Variants in GPC5 observed in about 807,000 individuals in gnomAD.
GPC5 encodes the protein glypican 5.
A neutral mutation model predicts 53.9 loss-of-function variants in GPC5; 47 were observed. The ratio of observed to expected loss-of-function variants is 0.87; its 90% CI spans 0.69 to 1.11. The LOEUF (loss-of-function observed/expected upper bound fraction) is 1.11. Ranked by LOEUF, GPC5 falls within the 50% of genes most tolerant of loss-of-function variation. The pLI is 0.00. For missense variants in GPC5, 748 were observed against 713.1 expected (o/e 1.05, Z -0.56); for synonymous variants, 286 against 263.3 (o/e 1.09, Z -0.84).
chr13:92,456,872 T>C lies in GPC5; in HGVS notation c.1561+311883T>C, dbSNP rs1325253929. On this transcript the variant is annotated intron_variant, in intron 7 of 7. Coordinates refer to ENST00000377067, the MANE Select transcript of GPC5 (RefSeq NM_004466.6). ...TATAATTTCAACTTTCATTTTAGAT[T>C]AAAGTGTACATGTGCATGTTTGTTA... is the stretch of plus-strand genomic sequence containing the variant. 2.6e-5 allele frequency among the ~76,000 whole-genome samples: 4 copies of C among 152,148 alleles called. No individual in the cohort carries two copies. The South Asian group carries it at 8.3e-4, about 32-fold the overall frequency.
At chr13:92,526,938 G>A (rs1881305090) in intron 7 of GPC5, among the ~76,000 whole-genome samples, 1 of 151,284 alleles carries the variant, frequency 6.6e-6, no homozygotes, top group African/African-American at 2.4e-5. Context: ...AAGTACAGAT[G>A]AGGAACAAGT....
At chr13:91,858,675 CG>C (rs1303812257) in intron 5 of GPC5, among the ~76,000 whole-genome samples, 1 of 151,596 alleles carries the variant, frequency 6.6e-6, no homozygotes, top group Non-Finnish European at 1.5e-5. Context: ...CCTTGTAGAA[CG>C]AGTTTGGAAA....
chr13:91,406,875 T>C (rs1877364281), intron 1 of GPC5, among the ~76,000 whole-genome samples: 1 of 152,208 alleles, frequency 6.6e-6, no homozygotes, highest in African/African-American at 2.4e-5. Context: ...TGTATTTTCT[T>C]TGATTAGCCT....
chr13:91,694,324 G>T lies in GPC5; in HGVS notation c.1020+443G>T, dbSNP rs144815333. ...GGTACTCCAAAAATGGGTAGTTATT[G>T]TTAGAATTTCAGAAGCATTTGGCTT... is the stretch of plus-strand genomic sequence containing the variant. On this transcript the variant is annotated intron_variant, in intron 3 of 7. Transcript: ENST00000377067. 4.8e-3 allele frequency among the ~76,000 whole-genome samples: 733 copies of T among 152,288 alleles called. 3 individuals are homozygous for T. Among genetic ancestry groups the T allele is most frequent in the African/African-American group, 0.017 (690 of 41,564 alleles).
At chr13:92,055,064 C>T (rs1312814537) in intron 6 of GPC5, among the ~76,000 whole-genome samples, 2 of 152,164 alleles carry the variant, frequency 1.3e-5, no homozygotes, top group African/African-American at 4.8e-5. Context: ...AATAACAGCA[C>T]TATTTCTAGG....
At chr13:91,803,376 C>A (rs2038166346) in intron 5 of GPC5, among the ~76,000 whole-genome samples, 1 of 152,206 alleles carries the variant, frequency 6.6e-6, no homozygotes, top group South Asian at 2.1e-4. Flanking sequence ...GGAGTTATAT[C>A]ACTCATAGTT....
chr13:92,561,055 A>G (rs1171558963), intron 7 of GPC5, among the ~76,000 whole-genome samples: 2 of 151,892 alleles, frequency 1.3e-5, no homozygotes, highest in Non-Finnish European at 2.9e-5. Flanking sequence ...TTTGGACCAC[A>G]TTTGTGGAAT....
At chr13:92,302,973 T>A (rs1454671243) in intron 7 of GPC5, among the ~76,000 whole-genome samples, 1 of 152,228 alleles carries the variant, frequency 6.6e-6, no homozygotes, top group East Asian at 1.9e-4. Flanking sequence ...TTTCAAAACC[T>A]TTATTTCTAT....
chr13:92,236,733 C>A (rs946004092), intron 7 of GPC5, among the ~76,000 whole-genome samples: 1 of 152,034 alleles, frequency 6.6e-6, no homozygotes, highest in Admixed American at 6.6e-5. Context: ...AGATGTGTAT[C>A]ATGTTGATTT....
intron 7 of GPC5, among the ~76,000 whole-genome samples, chr13:92,175,010 C>T (rs972230218): frequency 6.6e-6 from 1 of 152,082 alleles, no homozygotes; most frequent in African/African-American, 2.4e-5. Context: ...CCACCACGTC[C>T]TGCTAAATTT....
intron 4 of GPC5, among the ~76,000 whole-genome samples, chr13:91,737,095 C>A (rs992877985): frequency 6.6e-6 from 1 of 151,338 alleles, no homozygotes; most frequent in Non-Finnish European, 1.5e-5. Flanking sequence ...CAGAGCGAGA[C>A]TCCGTCTCAG....
chr13:92,784,708 T>C (rs1285505812), intron 7 of GPC5, among the ~76,000 whole-genome samples: 3 of 152,144 alleles, frequency 2.0e-5, no homozygotes, highest in Non-Finnish European at 4.4e-5. Flanking sequence ...CTATTTCAGT[T>C]AGTGGATTAA....
At chr13:91,711,672 T>C (rs1047221346) in intron 3 of GPC5, among the ~76,000 whole-genome samples, 11 of 152,200 alleles carry the variant, frequency 7.2e-5, no homozygotes, top group Non-Finnish European at 1.6e-4. Context: ...ATTTCCAGTA[T>C]ATATTTAACC....
chr13:92,633,935 T>C (rs1885337010), intron 7 of GPC5, among the ~76,000 whole-genome samples: 1 of 152,130 alleles, frequency 6.6e-6, no homozygotes, highest in Admixed American at 6.5e-5. Flanking sequence ...TATGTGTAGT[T>C]ATTATGTTAA....
At chr13:91,766,782 C>T (rs1393781390) in intron 5 of GPC5, among the ~76,000 whole-genome samples, 3 of 152,128 alleles carry the variant, frequency 2.0e-5, no homozygotes. Flanking sequence ...ATTGCTTGAA[C>T]CCGGGAGGTG....
intron 1 of GPC5, among the ~76,000 whole-genome samples, chr13:91,444,370 A>G (rs75971095): frequency 0.043 from 6,578 of 152,140 alleles, 185 homozygotes; most frequent in South Asian, 0.13. Context: ...ATATCATTCC[A>G]GCATATTTTT....
At chr13:91,524,369 T>A (rs918483695) in intron 2 of GPC5, among the ~76,000 whole-genome samples, 2 of 152,130 alleles carry the variant, frequency 1.3e-5, no homozygotes, top group African/African-American at 4.8e-5. Flanking sequence ...TATTTTTTGA[T>A]TGATGCAGTT....
At chr13:91,986,060 A>ATTTT (rs2040404162) in intron 6 of GPC5, among the ~76,000 whole-genome samples, 8 of 94,884 alleles carry the variant, frequency 8.4e-5, no homozygotes, top group African/African-American at 2.1e-4. Flanking sequence ...CTTAGCCAAT[A>ATTTT]CTTTTTTTTT....
At chr13:92,376,651 C>T (rs988253975) in intron 7 of GPC5, among the ~76,000 whole-genome samples, 3 of 152,140 alleles carry the variant, frequency 2.0e-5, no homozygotes, top group Admixed American at 2.0e-4. Context: ...TAATAAGTTT[C>T]AATTTTGAGG....
Sources: gnomAD v4.1 joint callset for allele counts (sites outside exome capture counted in the v4.1 genomes callset) on GRCh38, gnomAD v4.1.1 for gene constraint, MANE v1.5 for transcripts, NCBI Gene and HGNC (gene_info 2026-07-23, HGNC 2026-07-21) for gene names.